Variants in ST6GALNAC3 observed in about 807,000 individuals in gnomAD.
ST6GALNAC3 encodes ST6 N-acetylgalactosaminide alpha-2,6-sialyltransferase 3, also known as alpha-N-acetylgalactosaminide alpha-2,6-sialyltransferase 3.
ST6GALNAC3 carries 25 observed loss-of-function variants against 32.7 expected under a neutral mutation model. The observed-to-expected ratio is 0.76, with a 90% CI of 0.56 to 1.07. The LOEUF (loss-of-function observed/expected upper bound fraction) is 1.07, where lower values mean the gene tolerates loss of function less well. ST6GALNAC3 is among the 50% of genes least tolerant of loss of function. ST6GALNAC3 has a pLI of 0.00. For synonymous variants in ST6GALNAC3, 129 were observed against 133.1 expected, an observed-to-expected ratio of 0.97 and a Z score of 0.21; for missense variants, 355 against 382.4, an observed-to-expected ratio of 0.93 and a Z score of 0.60.
At chr1:76,231,268 A>AC (rs1656345931) in intron 1 of ST6GALNAC3, among the ~76,000 whole-genome samples, 1 of 152,220 alleles carries the variant, frequency 6.6e-6, no homozygotes, top group South Asian at 2.1e-4. Flanking sequence ...ACCAAATGGT[A>AC]CCCCACAGAA....
intron 2 of ST6GALNAC3, among the ~76,000 whole-genome samples, chr1:76,391,536 C>G (rs1467153662): frequency 7.4e-6 from 1 of 135,816 alleles, no homozygotes; most frequent in Non-Finnish European, 1.6e-5. Flanking sequence ...TCCTTCCTTC[C>G]TTCCTTCCTT....
intron 3 of ST6GALNAC3, chr1:76,576,982 A>C: frequency 2.4e-6 from 3 of 1,268,836 alleles, no homozygotes; most frequent in Non-Finnish European, 3.1e-6. Flanking sequence ...TAAGCAAGAC[A>C]AAACAAATAC....
chr1:76,557,514 C>G (rs1408325296), intron 3 of ST6GALNAC3, among the ~76,000 whole-genome samples: 1 of 152,034 alleles, frequency 6.6e-6, no homozygotes, highest in African/African-American at 2.4e-5. Context: ...TTACTGATTA[C>G]CTACCATGCA....
At chr1:76,364,494 AGTGAGCCGAGATG>A (rs564175218) in intron 2 of ST6GALNAC3, among the ~76,000 whole-genome samples, 2 of 152,316 alleles carry the variant, frequency 1.3e-5, no homozygotes, top group African/African-American at 4.8e-5. Context: ...TGGAGGTTGC[AGTGAGCCGAGATG>A]GTGGCACTGC....
intron 1 of ST6GALNAC3, among the ~76,000 whole-genome samples, chr1:76,187,992 A>G (rs1653665874): frequency 6.6e-6 from 1 of 151,790 alleles, no homozygotes; most frequent in South Asian, 2.1e-4. Context: ...GTAATGTGGA[A>G]CTCAGAACCT....
At chr1:76,089,654 A>G (rs1360044429) in intron 1 of ST6GALNAC3, among the ~76,000 whole-genome samples, 3 of 152,302 alleles carry the variant, frequency 2.0e-5, no homozygotes, top group Non-Finnish European at 2.9e-5. Flanking sequence ...TTTGAGCATT[A>G]TCTCTTGGGT....
chr1:76,537,789 A>G (rs1394505006), intron 3 of ST6GALNAC3, among the ~76,000 whole-genome samples: 1 of 152,196 alleles, frequency 6.6e-6, no homozygotes, highest in Non-Finnish European at 1.5e-5. Flanking sequence ...AAATTCCTAG[A>G]CACATACACC....
rs1651215577 is a variant in ST6GALNAC3 at position 76,153,943 on chromosome 1, A to G, written c.18+79059A>G. Among the ~76,000 whole-genome samples, 3 of 152,188 alleles carry G rather than the reference A, an allele frequency of 2.0e-5. No individual in the cohort carries two copies. The South Asian group carries it at 6.2e-4, about 32-fold the overall frequency. On this transcript the variant is annotated intron_variant, in intron 1 of 4. Coordinates refer to ENST00000328299, the MANE Select transcript of ST6GALNAC3 (RefSeq NM_152996.4). The stretch of plus-strand genomic sequence containing the variant: ...TGGTGTCTTATCTAAGACCTTGCCC[A>G]CTGGCTTAAAGAGTTGGCTTGGGTT...
chr1:76,384,116 G>T (rs1460627015), intron 2 of ST6GALNAC3, among the ~76,000 whole-genome samples: 2 of 151,976 alleles, frequency 1.3e-5, no homozygotes, highest in African/African-American at 4.8e-5. Flanking sequence ...GCTTAACTAT[G>T]TAAAAAATAA....
chr1:76,284,996 C>T (rs1028928020), intron 1 of ST6GALNAC3, among the ~76,000 whole-genome samples: 2 of 152,238 alleles, frequency 1.3e-5, no homozygotes, highest in East Asian at 1.9e-4. Flanking sequence ...GCTGCCTTCA[C>T]CCAGCCAGCT....
intron 3 of ST6GALNAC3, among the ~76,000 whole-genome samples, chr1:76,587,899 A>G (rs1646986770): frequency 6.6e-6 from 1 of 152,154 alleles, no homozygotes; most frequent in African/African-American, 2.4e-5. Flanking sequence ...CCAGTTCTCC[A>G]TAAACATCCA....
chr1:76,122,086 G>C (rs771592313), intron 1 of ST6GALNAC3, among the ~76,000 whole-genome samples: 1 of 152,100 alleles, frequency 6.6e-6, no homozygotes, highest in Non-Finnish European at 1.5e-5. Flanking sequence ...CACTTGGCAC[G>C]ACTGACCATG....
At chr1:76,585,148 G>A (rs1053675544) in intron 3 of ST6GALNAC3, among the ~76,000 whole-genome samples, 1 of 152,166 alleles carries the variant, frequency 6.6e-6, no homozygotes, top group Non-Finnish European at 1.5e-5. Context: ...AATTTTGGAG[G>A]CCGAGGCAGG....
chr1:76,078,014 A>C (rs1458007273), intron 1 of ST6GALNAC3, among the ~76,000 whole-genome samples: 1 of 152,238 alleles, frequency 6.6e-6, no homozygotes. Flanking sequence ...AGGGCATAGT[A>C]GAAGCATGGA....
chr1:76,493,238 G>A, intron 3 of ST6GALNAC3, among the ~76,000 whole-genome samples: 1 of 152,128 alleles, frequency 6.6e-6, no homozygotes, highest in East Asian at 1.9e-4. Context: ...AGAGGCAGAT[G>A]CTGCCATATA....
In ST6GALNAC3 at chr1:76,302,969, C is replaced by G. The variant is rs562704164; in HGVS notation, c.19-10836C>G. Among the ~76,000 whole-genome samples, 13 of 152,044 alleles carry G rather than the reference C, an allele frequency of 8.6e-5. No individual in the cohort carries two copies. The South Asian group carries it at 2.1e-3, about 24-fold the overall frequency. ...AGAATCTTCTCAGGTCCAAATACCCCCTAGAGGTTTCCCATTAGCCTGATG... is the reference window on the plus strand; with the variant it reads ...AGAATCTTCTCAGGTCCAAATACCCGCTAGAGGTTTCCCATTAGCCTGATG... On this transcript the variant is annotated intron_variant, in intron 1 of 4. Transcript: ENST00000328299.
chr1:76,619,413 T>G (rs2100696786), intron 3 of ST6GALNAC3, among the ~76,000 whole-genome samples: 1 of 152,324 alleles, frequency 6.6e-6, no homozygotes, highest in South Asian at 2.1e-4. Flanking sequence ...TCGTGATTTG[T>G]AACTTAGTTT....
chr1:76,385,176 G>C (rs1320785137), intron 2 of ST6GALNAC3, among the ~76,000 whole-genome samples: 1 of 152,070 alleles, frequency 6.6e-6, no homozygotes, highest in Non-Finnish European at 1.5e-5. Context: ...CATTTTCTGG[G>C]TAAAGAAAGA....
intron 1 of ST6GALNAC3, among the ~76,000 whole-genome samples, chr1:76,281,845 C>T (rs1256669603): frequency 6.6e-5 from 10 of 152,072 alleles, no homozygotes; most frequent in South Asian, 2.1e-4. Flanking sequence ...ATTTTTAGAC[C>T]GAATTGGCAG....
Sources: gnomAD v4.1 joint callset for allele counts (sites outside exome capture counted in the v4.1 genomes callset) on GRCh38, gnomAD v4.1.1 for gene constraint, MANE v1.5 for transcripts, NCBI Gene and HGNC (gene_info 2026-07-23, HGNC 2026-07-21) for gene names.